The following ADK variants were observed in gnomAD, a reference collection of about 807,000 sequenced individuals.
The protein encoded by ADK is adenosine kinase, also known as N6,N6-dimethyladenosine kinase.
A neutral mutation model predicts 44.7 loss-of-function variants in ADK; 24 were observed. That is an observed-to-expected ratio of 0.54 (90% CI 0.39 to 0.76). The LOEUF (loss-of-function observed/expected upper bound fraction) is 0.76. Ranked by LOEUF, ADK falls within the 30% of genes least tolerant of loss-of-function variation. The pLI, the probability that ADK is intolerant of heterozygous loss-of-function variation, is 0.00. For missense variants in ADK, 321 were observed against 425.1 expected (o/e 0.76, Z 2.15); for synonymous variants, 128 against 142.6 (o/e 0.90, Z 0.73).
chr10:74,382,178 A>G (rs185863374), intron 4 of ADK, among the ~76,000 whole-genome samples: 10 of 152,266 alleles, frequency 6.6e-5, no homozygotes, highest in Admixed American at 6.5e-4. Flanking sequence ...GGCTCACTGC[A>G]GCCTCTACCT....
chr10:74,689,898 C>T (rs949720), intron 10 of ADK, among the ~76,000 whole-genome samples: 2,640 of 152,310 alleles, frequency 0.017, 67 homozygotes, highest in African/African-American at 0.06. Context: ...CAAACTTGAG[C>T]GTGCATCAGA....
chr10:74,518,591 A>G (rs1848687555), intron 6 of ADK, among the ~76,000 whole-genome samples: 1 of 152,234 alleles, frequency 6.6e-6, no homozygotes, highest in Admixed American at 6.5e-5. Flanking sequence ...AAATGGTTAA[A>G]TTGGGGTGAA....
At chr10:74,160,707 GTGTGTGTGTGTA>G (rs1026843375) in intron 1 of ADK, among the ~76,000 whole-genome samples, 35 of 149,908 alleles carry the variant, frequency 2.3e-4, no homozygotes, top group African/African-American at 7.5e-4. Flanking sequence ...GTGTGTGTGT[GTGTGTGTGTGTA>G]TGTGTGTGTG....
At chr10:74,329,321 TGGGGCAAGAA>T (rs1241659893) in intron 4 of ADK, among the ~76,000 whole-genome samples, 1 of 152,148 alleles carries the variant, frequency 6.6e-6, no homozygotes, top group African/African-American at 2.4e-5. Context: ...CACAGTGATT[TGGGGCAAGAA>T]GGATGTGCAG....
At chr10:74,531,339 A>G (rs923895323) in intron 7 of ADK, among the ~76,000 whole-genome samples, 2 of 152,206 alleles carry the variant, frequency 1.3e-5, no homozygotes, top group Non-Finnish European at 2.9e-5. Flanking sequence ...CCCTCCTGTC[A>G]ATATTATTAC....
At chr10:74,511,342 C>A (rs996036569) in intron 6 of ADK, among the ~76,000 whole-genome samples, 2 of 152,124 alleles carry the variant, frequency 1.3e-5, no homozygotes, top group Non-Finnish European at 2.9e-5. Flanking sequence ...TTCAGCTATT[C>A]AGGGTTTTCT....
intron 6 of ADK, among the ~76,000 whole-genome samples, chr10:74,407,855 T>C (rs986599310): frequency 6.6e-6 from 1 of 152,238 alleles, no homozygotes; most frequent in African/African-American, 2.4e-5. Context: ...ATTTTGTTCA[T>C]TGTTAGTTGT....
chr10:74,655,739 GT>G (rs1564838818), intron 9 of ADK: 1 of 485,380 alleles, frequency 2.1e-6, no homozygotes, highest in Non-Finnish European at 4.1e-6. Flanking sequence ...AGGAATTGCT[GT>G]TCCTCCAGTT....
At chr10:74,188,196 A>G (rs1406878193) in intron 1 of ADK, among the ~76,000 whole-genome samples, 3 of 152,150 alleles carry the variant, frequency 2.0e-5, no homozygotes, top group Non-Finnish European at 2.9e-5. Flanking sequence ...TATTGCCTGT[A>G]TGAACTGCTG....
intron 7 of ADK, among the ~76,000 whole-genome samples, chr10:74,567,321 T>C (rs1170518173): frequency 6.6e-6 from 1 of 152,220 alleles, no homozygotes; most frequent in African/African-American, 2.4e-5. Flanking sequence ...CCCTTTAACA[T>C]TGAGTCTGCA....
rs970109487 is a variant in ADK at position 74,162,547 on chromosome 10, G to C, written c.65+11204G>C. 5.9e-5 allele frequency among the ~76,000 whole-genome samples: 9 copies of C among 151,526 alleles called. No homozygotes were observed. In the East Asian group the frequency reaches 1.7e-3, roughly 29 times the overall value. ...TGTGTGTGTGTGTGTGTGTGTGTGT[G>C]TGTGTGTGTGTGTGTGAGACAGAGT... On this transcript the variant is annotated intron_variant, in intron 1 of 10. Transcript: ENST00000539909.
In ADK at chr10:74,507,611, C is replaced by CA. The variant is rs201257550; in HGVS notation, c.556-17636dup. Among the ~76,000 whole-genome samples the CA allele has an allele frequency of 5.4e-3, 793 of 148,014 alleles. 10 individuals are homozygous for CA. Among genetic ancestry groups the CA allele is most frequent in the African/African-American group, 0.018 (714 of 40,204 alleles). ...GCCTGGTGACAGTGAAATCCCCTCT[C>CA]AAAAAAAAACAAAAAAACAAATTTG... On this transcript the variant is annotated intron_variant, in intron 6 of 10. Coordinates refer to ENST00000539909, the MANE Select transcript of ADK (RefSeq NM_006721.4).
chr10:74,509,196 A>ATTTT (rs11431842), intron 6 of ADK, among the ~76,000 whole-genome samples: 2 of 144,676 alleles, frequency 1.4e-5, no homozygotes, highest in Admixed American at 6.9e-5. Context: ...ATACATTATG[A>ATTTT]TTTTTTTTTT....
At chr10:74,312,877 G>T (rs11000986) in intron 3 of ADK, among the ~76,000 whole-genome samples, 67,281 of 129,452 alleles carry the variant, frequency 0.52, 18,482 homozygotes, top group Middle Eastern at 0.71. Flanking sequence ...TTGCACCACT[G>T]CACTCCAGCC....
chr10:74,471,304 G>A (rs1366300877), intron 6 of ADK, among the ~76,000 whole-genome samples: 1 of 152,042 alleles, frequency 6.6e-6, no homozygotes, highest in Non-Finnish European at 1.5e-5. Flanking sequence ...TCGATCTCCT[G>A]ACCTCGTGAT....
intron 3 of ADK, among the ~76,000 whole-genome samples, chr10:74,242,863 T>G (rs960881273): frequency 6.6e-6 from 1 of 152,188 alleles, no homozygotes; most frequent in African/African-American, 2.4e-5. Flanking sequence ...AGACTACTGC[T>G]GTACTTCAGG....
chr10:74,214,180 T>C (rs1843932623), intron 2 of ADK, among the ~76,000 whole-genome samples: 1 of 152,228 alleles, frequency 6.6e-6, no homozygotes, highest in African/African-American at 2.4e-5. Flanking sequence ...TTACTCTTAA[T>C]CTATTTCTTT....
intron 1 of ADK, chr10:74,176,777 T>C: frequency 6.3e-7 from 1 of 1,581,006 alleles, no homozygotes; most frequent in Non-Finnish European, 8.5e-7. Flanking sequence ...GCTGAGTGCC[T>C]GAGCCGGGAA....
chr10:74,624,585 G>A, intron 9 of ADK, among the ~76,000 whole-genome samples: 1 of 152,014 alleles, frequency 6.6e-6, no homozygotes. Context: ...AGGTGTTTTT[G>A]TAAGTAATTT....
Sources: allele counts gnomAD v4.1 joint callset (sites outside exome capture counted in the v4.1 genomes callset), GRCh38; gene constraint gnomAD v4.1.1; transcripts MANE v1.5; gene names NCBI Gene and HGNC (gene_info 2026-07-23, HGNC 2026-07-21).